Variants in WWOX observed in about 807,000 individuals in gnomAD.
The protein encoded by WWOX is WW domain-containing oxidoreductase.
In WWOX, 69 loss-of-function variants were observed where a neutral mutation model predicts 46.2. That is an observed-to-expected ratio of 1.49 (90% CI 1.23 to 1.82). The LOEUF (loss-of-function observed/expected upper bound fraction) is 1.82, where lower values mean the gene tolerates loss of function less well. Ranked by LOEUF, WWOX falls within the 40% of genes most tolerant of loss-of-function variation. WWOX has a pLI of 0.00. For missense variants in WWOX, 919 were observed against 542.6 expected (o/e 1.69, Z -6.89); for synonymous variants, 359 against 202.6 (o/e 1.77, Z -6.56).
At chr16:78,306,257 T>C (rs1435388504) in intron 5 of WWOX, among the ~76,000 whole-genome samples, 1 of 152,228 alleles carries the variant, frequency 6.6e-6, no homozygotes, top group Non-Finnish European at 1.5e-5. Flanking sequence ...ATAACATTCA[T>C]GATACCTCTG....
At chr16:78,614,876 C>G (rs1020719095) in intron 8 of WWOX, among the ~76,000 whole-genome samples, 1 of 152,146 alleles carries the variant, frequency 6.6e-6, no homozygotes, top group East Asian at 1.9e-4. Flanking sequence ...TGGTGGTTTG[C>G]TGCAGCCATC....
At chr16:78,720,778 T>A (rs2142351589) in intron 8 of WWOX, among the ~76,000 whole-genome samples, 1 of 152,258 alleles carries the variant, frequency 6.6e-6, no homozygotes, top group South Asian at 2.1e-4. Context: ...TCAAACTCTA[T>A]TATACAAGCA....
At chr16:78,653,501 A>T (rs1245616769) in intron 8 of WWOX, among the ~76,000 whole-genome samples, 2 of 152,230 alleles carry the variant, frequency 1.3e-5, no homozygotes, top group African/African-American at 2.4e-5. Flanking sequence ...ACCAATGGAT[A>T]TGGAGGGTGC....
At chr16:78,102,979 TCTC>T (rs1346618175) in intron 1 of WWOX, among the ~76,000 whole-genome samples, 3 of 152,122 alleles carry the variant, frequency 2.0e-5, no homozygotes, top group Non-Finnish European at 4.4e-5. Flanking sequence ...CTGTGGGGCG[TCTC>T]CTCCTTTGCC....
At chr16:79,109,169 G>C (rs866455188) in intron 8 of WWOX, among the ~76,000 whole-genome samples, 1 of 152,118 alleles carries the variant, frequency 6.6e-6, no homozygotes, top group African/African-American at 2.4e-5. Context: ...TCTCAGGCCA[G>C]TTCCAGGACT....
At chr16:78,851,800 A>ATTGT (rs1468145862) in intron 8 of WWOX, among the ~76,000 whole-genome samples, 7 of 152,344 alleles carry the variant, frequency 4.6e-5, no homozygotes, top group African/African-American at 1.4e-4. Context: ...CAAAAGTTTT[A>ATTGT]TTGTAGGATT....
intron 8 of WWOX, among the ~76,000 whole-genome samples, chr16:78,741,452 C>G (rs897366616): frequency 1.2e-4 from 18 of 152,050 alleles, no homozygotes; most frequent in African/African-American, 4.1e-4. Flanking sequence ...TACAGTTACT[C>G]GGGAGGCTGA....
chr16:78,776,879 A>AC (rs1424450896), intron 8 of WWOX, among the ~76,000 whole-genome samples: 1 of 151,980 alleles, frequency 6.6e-6, no homozygotes, highest in Non-Finnish European at 1.5e-5. Context: ...TGGGGGAACC[A>AC]CCCCCATCAT....
intron 8 of WWOX, among the ~76,000 whole-genome samples, chr16:79,036,739 A>C (rs2047874476): frequency 6.6e-6 from 1 of 152,160 alleles, no homozygotes; most frequent in Non-Finnish European, 1.5e-5. Context: ...TGAGCGAAGG[A>C]TTGGGAAGAG....
chr16:78,780,040 A>G (rs1338986808), intron 8 of WWOX, among the ~76,000 whole-genome samples: 2 of 152,202 alleles, frequency 1.3e-5, no homozygotes, highest in East Asian at 3.8e-4. Context: ...AGTAGAAGCC[A>G]TATGGATACT....
At chr16:79,055,393 A>T (rs1025391268) in intron 8 of WWOX, among the ~76,000 whole-genome samples, 1 of 152,102 alleles carries the variant, frequency 6.6e-6, no homozygotes, top group African/African-American at 2.4e-5. Context: ...TGCTTGACCA[A>T]TGGAATGTGG....
chr16:78,790,498 C>G (rs1486282510), intron 8 of WWOX, among the ~76,000 whole-genome samples: 1 of 152,120 alleles, frequency 6.6e-6, no homozygotes, highest in Non-Finnish European at 1.5e-5. Flanking sequence ...GTCAGAAGGT[C>G]TACCTACAAC....
At chr16:78,770,417 G>C (rs1159928776) in intron 8 of WWOX, among the ~76,000 whole-genome samples, 1 of 152,190 alleles carries the variant, frequency 6.6e-6, no homozygotes, top group Non-Finnish European at 1.5e-5. Flanking sequence ...AGTACCAATG[G>C]GGGATGGGGC....
intron 8 of WWOX, among the ~76,000 whole-genome samples, chr16:78,847,334 T>C (rs940719196): frequency 6.6e-6 from 1 of 152,164 alleles, no homozygotes; most frequent in African/African-American, 2.4e-5. Context: ...GTGTATATTA[T>C]AATTTTAGTA....
intron 8 of WWOX, among the ~76,000 whole-genome samples, chr16:79,172,239 G>T (rs2050713773): frequency 1.3e-5 from 2 of 152,180 alleles, no homozygotes; most frequent in South Asian, 2.1e-4. Flanking sequence ...CTGAGCCTTA[G>T]GGAGCAGGAA....
chr16:78,632,202 C>G (rs372328004), intron 8 of WWOX, among the ~76,000 whole-genome samples: 3 of 152,094 alleles, frequency 2.0e-5, no homozygotes, highest in South Asian at 4.1e-4. Flanking sequence ...ATGCCCCTGT[C>G]TTTCTGAGCT....
At chr16:78,845,058 A>G (rs1031502485) in intron 8 of WWOX, among the ~76,000 whole-genome samples, 2 of 152,114 alleles carry the variant, frequency 1.3e-5, no homozygotes, top group African/African-American at 4.8e-5. Flanking sequence ...ACAAATGGAA[A>G]ACCTTCATTC....
intron 8 of WWOX, among the ~76,000 whole-genome samples, chr16:78,614,505 T>A (rs2045975386): frequency 6.6e-6 from 1 of 152,242 alleles, no homozygotes; most frequent in Non-Finnish European, 1.5e-5. Flanking sequence ...GTTCACGGTG[T>A]GTGTCCTGCT....
intron 8 of WWOX, among the ~76,000 whole-genome samples, chr16:79,005,597 C>T (rs571479919): frequency 6.6e-6 from 1 of 152,256 alleles, no homozygotes; most frequent in South Asian, 2.1e-4. Flanking sequence ...ATGTTGTCAC[C>T]TCATTGCCAT....
Sources: gnomAD v4.1 joint callset for allele counts (sites outside exome capture counted in the v4.1 genomes callset) on GRCh38, gnomAD v4.1.1 for gene constraint, MANE v1.5 for transcripts, NCBI Gene and HGNC (gene_info 2026-07-23, HGNC 2026-07-21) for gene names.